FGD5: variants seen among roughly 807,000 people sequenced by gnomAD.
FGD5 encodes FYVE, RhoGEF and PH domain-containing protein 5.
A neutral mutation model predicts 133.4 loss-of-function variants in FGD5; 28 were observed. That is an observed-to-expected ratio of 0.21 (90% CI 0.16 to 0.29). The LOEUF (loss-of-function observed/expected upper bound fraction) is 0.29. Among genes scored for constraint, FGD5 ranks in the 10% least tolerant of loss-of-function variants. The probability of loss-of-function intolerance (pLI) is 1.00; values close to 1 mark genes in which losing one functional copy is unlikely to be tolerated. For synonymous variants in FGD5, 810 were observed against 776.5 expected (o/e 1.04, Z -0.72); for missense variants, 1,858 against 1,895.2 (o/e 0.98, Z 0.36).
intron 2 of FGD5, among the ~76,000 whole-genome samples, chr3:14,871,665 C>T (rs1355341853): frequency 2.6e-5 from 4 of 152,152 alleles, no homozygotes; most frequent in African/African-American, 7.2e-5. Flanking sequence ...GTCCTGGGTA[C>T]GTGTATGCCT....
chr3:14,815,459 A>C (rs947874701), upstream of FGD5, among the ~76,000 whole-genome samples: 1 of 152,118 alleles, frequency 6.6e-6, no homozygotes, highest in African/African-American at 2.4e-5. Flanking sequence ...ACCACCTCTC[A>C]ATACAAGGTC....
chr3:14,873,392 A>G (rs928336402), intron 2 of FGD5, among the ~76,000 whole-genome samples: 1 of 152,204 alleles, frequency 6.6e-6, no homozygotes, highest in Non-Finnish European at 1.5e-5. Flanking sequence ...GGTGAGGCCT[A>G]AGTGCTCCTT....
At chr3:14,923,417 T>C in intron 16 of FGD5, 1 of 546,522 alleles carries the variant, frequency 1.8e-6, no homozygotes, top group Non-Finnish European at 3.2e-6. Flanking sequence ...AATCAGTGTG[T>C]GTGTAAGGGG....
At chr3:14,839,100 G>T (rs1314932305) in intron 1 of FGD5, among the ~76,000 whole-genome samples, 1 of 152,234 alleles carries the variant, frequency 6.6e-6, no homozygotes, top group African/African-American at 2.4e-5. Flanking sequence ...TTAGCACCAA[G>T]AAAGGAAAAG....
intron 1 of FGD5, among the ~76,000 whole-genome samples, chr3:14,848,299 C>A (rs1300236169): frequency 6.6e-6 from 1 of 152,124 alleles, no homozygotes; most frequent in African/African-American, 2.4e-5. Flanking sequence ...CTGCCACACC[C>A]CAAACGCCTG....
chr3:14,924,102 C>G lies in FGD5; in HGVS notation c.4032C>G (p.Phe1344Leu), dbSNP rs778227060. 26 of 1,613,984 alleles carry G rather than the reference C, an allele frequency of 1.6e-5. No homozygotes were observed. Among genetic ancestry groups the G allele is most frequent in the Non-Finnish European group, 2.1e-5 (25 of 1,179,890 alleles). Residue 1344 changes from phenylalanine to leucine, a missense_variant, in exon 17 of 20, where the codon TTC (phenylalanine) becomes TTG (leucine). Physicochemically the swap from Phe to Leu is conservative, Grantham distance 22. This residue lies in a region of FGD5 where 1,824 missense variants were observed against 1,848.9 expected (regional missense o/e 0.99). Transcript: ENST00000285046. Reference sequence around the variant, plus strand: ...TCCAGAGCATTAACCCCTCGACCTTCAAGAAGCAGAAGAAAGTCCCTTCAG... The same window carrying G: ...TCCAGAGCATTAACCCCTCGACCTTGAAGAAGCAGAAGAAAGTCCCTTCAG... ...SVFQSINPST[F>L]KKQKKVPSAL...
chr3:14,893,019 A>C (rs981732390), intron 4 of FGD5, among the ~76,000 whole-genome samples: 1 of 152,118 alleles, frequency 6.6e-6, no homozygotes, highest in Non-Finnish European at 1.5e-5. Flanking sequence ...CCCAATATGC[A>C]TTGCTCCACA....
In FGD5 at chr3:14,898,720, T is replaced by G; in HGVS notation, c.3067-19T>G. Reference sequence around the variant, plus strand: ...GAGGGGTTTCTGATAAGGTTTTTCCTTCCCTGTCTTGAGAGCAGCAGAGTG... The same window carrying G: ...GAGGGGTTTCTGATAAGGTTTTTCCGTCCCTGTCTTGAGAGCAGCAGAGTG... On this transcript the variant is annotated intron_variant, in intron 6 of 19. Transcript: ENST00000285046. The G allele has an allele frequency of 1.9e-6, 3 of 1,564,530 alleles. No individual in the cohort carries two copies. The highest frequency in any genetic ancestry group is 2.6e-6 in the Non-Finnish European group (3 of 1,154,746).
intron 4 of FGD5, among the ~76,000 whole-genome samples, chr3:14,887,110 C>T (rs916430846): frequency 6.6e-6 from 1 of 152,112 alleles, no homozygotes; most frequent in Non-Finnish European, 1.5e-5. Context: ...TTGAGAGAGG[C>T]GTATTGACCT....
chr3:14,886,246 G>A (rs137998527), intron 4 of FGD5, among the ~76,000 whole-genome samples: 28 of 152,316 alleles, frequency 1.8e-4, no homozygotes, highest in African/African-American at 4.8e-4. Flanking sequence ...AGCTGGGTTA[G>A]TCCCCTGAAA....
intron 1 of FGD5, among the ~76,000 whole-genome samples, chr3:14,827,111 T>C (rs2036614092): frequency 6.6e-6 from 1 of 152,128 alleles, no homozygotes; most frequent in African/African-American, 2.4e-5. Flanking sequence ...CCAGCTCCCA[T>C]TTTCCAGGTG....
intron 18 of FGD5, among the ~76,000 whole-genome samples, chr3:14,928,591 A>G (rs1333746509): frequency 6.6e-6 from 1 of 152,094 alleles, no homozygotes; most frequent in African/African-American, 2.4e-5. Context: ...CTAAAAATAC[A>G]AAAATTAGCC....
At chr3:14,834,343 A>C (rs1575196057) in intron 1 of FGD5, among the ~76,000 whole-genome samples, 1 of 152,184 alleles carries the variant, frequency 6.6e-6, no homozygotes, top group Non-Finnish European at 1.5e-5. Flanking sequence ...CAGTCTCTTC[A>C]TCTGTTAGAA....
chr3:14,832,554 C>T (rs1054841539), intron 1 of FGD5, among the ~76,000 whole-genome samples: 1 of 152,166 alleles, frequency 6.6e-6, no homozygotes, highest in African/African-American at 2.4e-5. Flanking sequence ...ATTTGCTGAA[C>T]GTCCCTTTGG....
intron 2 of FGD5, among the ~76,000 whole-genome samples, chr3:14,875,473 A>G (rs754033882): frequency 5.6e-4 from 86 of 152,254 alleles, no homozygotes; most frequent in South Asian, 1.5e-3. Flanking sequence ...GGTAGGAAAA[A>G]ATAGAGTGGG....
intron 1 of FGD5, among the ~76,000 whole-genome samples, chr3:14,863,129 G>A (rs532026288): frequency 2.6e-5 from 4 of 152,330 alleles, no homozygotes; most frequent in South Asian, 4.1e-4. Context: ...CCTGCCATCC[G>A]TCAGTCATTC....
intron 2 of FGD5, among the ~76,000 whole-genome samples, chr3:14,866,176 C>T (rs549696092): frequency 1.9e-4 from 29 of 152,256 alleles, no homozygotes; most frequent in African/African-American, 6.5e-4. Flanking sequence ...TCTCTTCTTC[C>T]GGCTATGTCA....
At chr3:14,831,969 G>A (rs761843650) in intron 1 of FGD5, among the ~76,000 whole-genome samples, 3 of 152,200 alleles carry the variant, frequency 2.0e-5, no homozygotes, top group Non-Finnish European at 2.9e-5. Context: ...ACTTCCCAGT[G>A]TCACGGTTCT....
intron 1 of FGD5, among the ~76,000 whole-genome samples, chr3:14,861,501 A>C (rs938148965): frequency 6.6e-6 from 1 of 152,244 alleles, no homozygotes; most frequent in African/African-American, 2.4e-5. Context: ...GCCCAACTGC[A>C]TCTGCTTTCA....
Sources: gnomAD v4.1 joint callset for allele counts (sites outside exome capture counted in the v4.1 genomes callset) on GRCh38, gnomAD v4.1.1 for gene constraint, gnomAD v4.1.1 regional missense constraint, MANE v1.5 for transcripts, NCBI Gene and HGNC (gene_info 2026-07-23, HGNC 2026-07-21) for gene names.